The following TRIM15 variants were observed in gnomAD, a reference collection of about 807,000 sequenced individuals.
The protein encoded by TRIM15 is E3 ubiquitin-protein ligase TRIM15.
A neutral mutation model predicts 35.8 loss-of-function variants in TRIM15; 35 were observed. That is an observed-to-expected ratio of 0.98 (90% CI 0.75 to 1.30). The LOEUF is 1.30. Among genes scored for constraint, TRIM15 ranks in the 50% most tolerant of loss-of-function variants. The pLI is 0.00. For missense variants in TRIM15, 590 were observed against 593.5 expected (o/e 0.99, Z 0.06); for synonymous variants, 252 against 249.8 (o/e 1.01, Z -0.08).
chr6:30,167,531 C>G (rs1773692350), intron 2 of TRIM15, among the ~76,000 whole-genome samples: 1 of 152,200 alleles, frequency 6.6e-6, no homozygotes, highest in Non-Finnish European at 1.5e-5. Flanking sequence ...GCAATGCTCC[C>G]AAGGCCACAT....
At chr6:30,166,591 T>G (rs1406728089) in intron 1 of TRIM15, among the ~76,000 whole-genome samples, 1 of 152,170 alleles carries the variant, frequency 6.6e-6, no homozygotes, top group East Asian at 1.9e-4. Context: ...ATGTGGGCTC[T>G]TTATTGGTTC....
At chr6:30,166,200 T>C (rs1773583459) in intron 1 of TRIM15, among the ~76,000 whole-genome samples, 1 of 152,204 alleles carries the variant, frequency 6.6e-6, no homozygotes, top group African/African-American at 2.4e-5. Flanking sequence ...CTGAATGGTA[T>C]TGCCTAGGTT....
chr6:30,166,911 C>A (rs1029847911), intron 1 of TRIM15, among the ~76,000 whole-genome samples: 2 of 152,296 alleles, frequency 1.3e-5, no homozygotes, highest in Non-Finnish European at 2.9e-5. Flanking sequence ...GCTTTCCAAA[C>A]CTTCCCTTAG....
At chr6:30,168,652 G>A in intron 3 of TRIM15, 122 bp downstream of exon 3, 1 of 936,040 alleles carries the variant, frequency 1.1e-6, no homozygotes, top group Admixed American at 2.0e-5. Flanking sequence ...ACGGGGTGCA[G>A]ATCCAGAGGG....
At chr6:30,169,118 A>T in intron 3 of TRIM15, 123 bp from the exon 4 acceptor site, 1 of 1,185,500 alleles carries the variant, frequency 8.4e-7, no homozygotes, top group Non-Finnish European at 1.2e-6. Context: ...AGGTAATTAA[A>T]CAGGACAACT....
In TRIM15 at chr6:30,164,007, G is replaced by A; in HGVS notation, c.323G>A (p.Gly108Asp). Residue 108 changes from glycine (G) to aspartate (D), a missense_variant, in exon 1 of 7, where the codon GGT (glycine) becomes GAT (aspartate). Gly to Asp is a moderately conservative substitution (Grantham distance 94). Coordinates refer to ENST00000376694, the MANE Select transcript of TRIM15 (RefSeq NM_033229.3). ...AEFLCVFCRE[G>D]PTHQAHTVGF... ...TTCCTCTGTGTGTTCTGCAGGGAGG[G>A]TCCCACGCACCAGGCGCACACCGTG... 2 of 1,613,132 alleles carry A rather than the reference G, an allele frequency of 1.2e-6. No homozygotes were observed. Among genetic ancestry groups the A allele is most frequent in the African/African-American group, 1.3e-5 (1 of 75,060 alleles).
rs188576047 is a variant in TRIM15 at position 30,166,372 on chromosome 6, A to G, written c.382-804A>G. On this transcript the variant is annotated intron_variant, in intron 1 of 6. Transcript: ENST00000376694. Reference sequence around the variant, plus strand: ...TTATTAAATAGGGAATCCTTTCCCCATTGCTTGTTTTTGTCAGGTTTGTCA... The same window carrying G: ...TTATTAAATAGGGAATCCTTTCCCCGTTGCTTGTTTTTGTCAGGTTTGTCA... 2.5e-4 allele frequency among the ~76,000 whole-genome samples: 38 copies of G among 152,262 alleles called. No individual in the cohort carries two copies. In the East Asian group the frequency reaches 7.1e-3, roughly 29 times the overall value.
rs572495119 is a variant in TRIM15, at chr6:30,172,639, T to G, written c.*290T>G. 626 of 647,136 alleles carry G rather than the reference T, an allele frequency of 9.7e-4. No individual in the cohort carries two copies. The highest frequency in any genetic ancestry group is 8.6e-3 in the African/African-American group (472 of 55,030). The allele number at this position is 647,136 out of a possible 1,614,324, so 40.1% of individuals were successfully genotyped here. A position where few individuals can be genotyped will look rare whatever the true frequency, so the allele number is the denominator to read the frequency against. The stretch of plus-strand genomic sequence containing the variant: ...AGCCAACCTAGGAGCCAGCGGGCTT[T>G]CGGGGAAAAAAAAGAAAAAGACATC... On this transcript the variant is annotated 3_prime_UTR_variant, in exon 7 of 7. Coordinates refer to ENST00000376694, the MANE Select transcript of TRIM15 (RefSeq NM_033229.3).
chr6:30,171,334 G>T (rs143262243), intron 6 of TRIM15, among the ~76,000 whole-genome samples: 1 of 152,158 alleles, frequency 6.6e-6, no homozygotes, highest in Non-Finnish European at 1.5e-5. Flanking sequence ...GATATTACTC[G>T]TTGAAAAATA....
rs770207659 is a variant in TRIM15 at position 30,164,079 on chromosome 6, C to T, written c.381+14C>T. ...CAGCCCTACCGGGTAAGAAGTGTAGCTTTACCTAGGGCCTGTTTGGGGCAG... is the reference window on the plus strand; with the variant it reads ...CAGCCCTACCGGGTAAGAAGTGTAGTTTTACCTAGGGCCTGTTTGGGGCAG... On this transcript the variant is annotated intron_variant, in intron 1 of 6. Coordinates refer to ENST00000376694, the MANE Select transcript of TRIM15 (RefSeq NM_033229.3). 2 of 1,602,490 alleles carry T rather than the reference C, an allele frequency of 1.2e-6. No homozygotes were observed. The highest frequency in any genetic ancestry group is 1.7e-6 in the Non-Finnish European group (2 of 1,173,856).
chr6:30,170,636 A>C lies in TRIM15; in HGVS notation c.847+20A>C, dbSNP rs1034885838. 1.3e-6 allele frequency: 2 copies of C among 1,571,022 alleles called. No homozygotes were observed. The highest frequency in any genetic ancestry group is 1.7e-6 in the Non-Finnish European group (2 of 1,143,332). ...TCTCAGGTAAAGGGGAAGGCGCCAC[A>C]GTTTTCCCCAGTCCCATTAGCTGCC... On this transcript the variant is annotated intron_variant, in intron 5 of 6. Coordinates refer to ENST00000376694, the MANE Select transcript of TRIM15 (RefSeq NM_033229.3).
At chr6:30,170,830 T>G in intron 5 of TRIM15, 146 bp from the exon 6 acceptor site, 1 of 923,890 alleles carries the variant, frequency 1.1e-6, no homozygotes, top group Non-Finnish European at 1.6e-6. Context: ...TCCAGGAGGG[T>G]GAGGACCCTT....
chr6:30,163,650 G>A lies in TRIM15; in HGVS notation c.-35G>A, dbSNP rs1016817092. The A allele has an allele frequency of 1.3e-6, 2 of 1,568,380 alleles. No individual in the cohort carries two copies. The highest frequency in any genetic ancestry group is 1.7e-6 in the Non-Finnish European group (2 of 1,155,882). ...GGAAAGGGAACTCGCGTGGGCTGAGGAGACCGGAGTGGACGGGCTGGGGAA... is the reference window on the plus strand; with the variant it reads ...GGAAAGGGAACTCGCGTGGGCTGAGAAGACCGGAGTGGACGGGCTGGGGAA... On this transcript the variant is annotated 5_prime_UTR_variant, in exon 1 of 7. Transcript: ENST00000376694.
chr6:30,166,243 C>T (rs933013536), intron 1 of TRIM15, among the ~76,000 whole-genome samples: 6 of 152,114 alleles, frequency 3.9e-5, no homozygotes, highest in Non-Finnish European at 8.8e-5. Context: ...TTAGGTCTTA[C>T]GTTTAAGTCT....
At chr6:30,170,368 G>T in intron 4 of TRIM15, 133 bp from the exon 5 acceptor site, 5 of 601,788 alleles carry the variant, frequency 8.3e-6, no homozygotes, top group Non-Finnish European at 1.5e-5. Context: ...CAAAAGTAAA[G>T]AAATGATACT....
intron 4 of TRIM15, chr6:30,169,469 T>TG (rs1562148638): frequency 2.8e-6 from 2 of 708,906 alleles, no homozygotes; most frequent in Admixed American, 2.0e-5. Context: ...TGGTTGGTAT[T>TG]GGGGACACAT....
chr6:30,172,272 A>G lies in TRIM15; in HGVS notation c.1321A>G (p.Thr441Ala). 6.2e-7 allele frequency: 1 copy of G among 1,612,878 alleles called. No individual in the cohort carries two copies. Among genetic ancestry groups the G allele is most frequent in the Non-Finnish European group, 8.5e-7 (1 of 1,179,934 alleles). Residue 441 changes from threonine (T) to alanine (A), a missense_variant, in exon 7 of 7, where the codon ACT (threonine) becomes GCT (alanine). Transcript: ENST00000376694. ...GACCCAGGAGCCCATCTTCACCTTC[A>G]CTGCCTCTTTCTCCGGCAAAGTCTT... is the stretch of plus-strand genomic sequence containing the variant. ...AQTQEPIFTFTASFSGKVFPF... is the reference protein window; with the variant it reads ...AQTQEPIFTFAASFSGKVFPF...
chr6:30,170,744 G>C, intron 5 of TRIM15, 128 bp downstream of exon 5: 1 of 807,118 alleles, frequency 1.2e-6, no homozygotes, highest in Non-Finnish European at 2.0e-6. Context: ...CCTTCCCTTA[G>C]TGATCTCAAT....
Position 30,172,504 on chromosome 6 carries a change from T to G in TRIM15, c.*155T>G. Reference sequence around the variant, plus strand: ...GAACAGCGGTTGTTTTTACTTTATTTATCTTAGGCCCTCAGCTCCCTGACG... The same window carrying G: ...GAACAGCGGTTGTTTTTACTTTATTGATCTTAGGCCCTCAGCTCCCTGACG... On this transcript the variant is annotated 3_prime_UTR_variant, in exon 7 of 7. Coordinates refer to ENST00000376694, the MANE Select transcript of TRIM15 (RefSeq NM_033229.3). 1 of 1,134,156 alleles carries G rather than the reference T, an allele frequency of 8.8e-7. No homozygotes were observed. Among genetic ancestry groups the G allele is most frequent in the Non-Finnish European group, 1.3e-6 (1 of 797,442 alleles). 70.3% of individuals were successfully genotyped at this position (1,134,156 alleles called of 1,614,324 possible). A position where few individuals can be genotyped will look rare whatever the true frequency, so the allele number is the denominator to read the frequency against.
Sources: gnomAD v4.1 joint callset for allele counts (sites outside exome capture counted in the v4.1 genomes callset) on GRCh38, gnomAD v4.1.1 for gene constraint, MANE v1.5 for transcripts, NCBI Gene and HGNC (gene_info 2026-07-23, HGNC 2026-07-21) for gene names.